PALLD: variants seen among roughly 807,000 people sequenced by gnomAD.
PALLD encodes palladin.
In PALLD, 61 loss-of-function variants were observed where a neutral mutation model predicts 123.5. The observed-to-expected ratio is 0.49, with a 90% CI of 0.40 to 0.61. PALLD has a LOEUF of 0.61. PALLD is among the 20% of genes least tolerant of loss of function. The probability of loss-of-function intolerance (pLI) is 0.00; values close to 1 mark genes in which losing one functional copy is unlikely to be tolerated. For synonymous variants in PALLD, 465 were observed against 496.4 expected (o/e 0.94, Z 0.84); for missense variants, 1,273 against 1,377.0 (o/e 0.92, Z 1.20).
chr4:168,889,014 C>G (rs1301071026), intron 10 of PALLD, among the ~76,000 whole-genome samples: 1 of 152,082 alleles, frequency 6.6e-6, no homozygotes, highest in Non-Finnish European at 1.5e-5. Context: ...GTGGGTGAAA[C>G]CGTGAACCCA....
At chr4:168,669,137 G>A (rs1289674378) in intron 3 of PALLD, among the ~76,000 whole-genome samples, 1 of 152,144 alleles carries the variant, frequency 6.6e-6, no homozygotes, top group Non-Finnish European at 1.5e-5. Flanking sequence ...AATATAGAAA[G>A]AATATTAAAA....
intron 10 of PALLD, among the ~76,000 whole-genome samples, chr4:168,759,205 ATATATATATATATATATATATATATAT>A (rs1732451484): frequency 4.4e-5 from 2 of 45,246 alleles, no homozygotes; most frequent in African/African-American, 1.4e-4. Flanking sequence ...AAAAAAAAAT[ATATATATATATATATATATATATATAT>A]ATATATATAT....
intron 2 of PALLD, among the ~76,000 whole-genome samples, chr4:168,643,672 C>T (rs903886746): frequency 3.3e-5 from 5 of 152,192 alleles, no homozygotes; most frequent in Admixed American, 2.0e-4. Context: ...CTCCAGAGAA[C>T]TCCCATTTAT....
chr4:168,510,385 G>A (rs1460126362), intron 1 of PALLD, among the ~76,000 whole-genome samples: 1 of 151,994 alleles, frequency 6.6e-6, no homozygotes, highest in Non-Finnish European at 1.5e-5. Flanking sequence ...GACTCTCATA[G>A]CCCCCAGGTT....
At chr4:168,673,969 T>C (rs1189599525) in intron 3 of PALLD, among the ~76,000 whole-genome samples, 1 of 151,956 alleles carries the variant, frequency 6.6e-6, no homozygotes, top group African/African-American at 2.4e-5. Flanking sequence ...GGCTGGAGTG[T>C]AATGCCGCGA....
intron 10 of PALLD, among the ~76,000 whole-genome samples, chr4:168,849,754 C>CAAA (rs36098159): frequency 6.9e-6 from 1 of 145,750 alleles, no homozygotes; most frequent in Non-Finnish European, 1.5e-5. Context: ...ATTTTTAAAG[C>CAAA]AAAAAAAAAA....
At chr4:168,522,627 C>T (rs1256465575) in intron 2 of PALLD, among the ~76,000 whole-genome samples, 1 of 152,198 alleles carries the variant, frequency 6.6e-6, no homozygotes, top group Non-Finnish European at 1.5e-5. Flanking sequence ...ACATTGCATT[C>T]TTTTGACGTT....
At chr4:168,721,500 T>G (rs1470060302) in intron 10 of PALLD, among the ~76,000 whole-genome samples, 1 of 152,184 alleles carries the variant, frequency 6.6e-6, no homozygotes, top group Non-Finnish European at 1.5e-5. Context: ...ATATTATATA[T>G]TAGAAGAAAA....
chr4:168,837,552 A>G (rs903919777), intron 10 of PALLD, among the ~76,000 whole-genome samples: 4 of 152,360 alleles, frequency 2.6e-5, no homozygotes, highest in African/African-American at 7.2e-5. Flanking sequence ...ATCATAGAAT[A>G]TATACCGTTC....
In PALLD at chr4:168,707,255, A is replaced by G. The variant is rs532039835; in HGVS notation, c.1502-1773A>G. Among the ~76,000 whole-genome samples, 41 of 152,326 alleles carry G rather than the reference A, an allele frequency of 2.7e-4. No homozygotes were observed. In the South Asian group the frequency reaches 8.5e-3, roughly 32 times the overall value. ...TGAGTTAGCTACTGCAATACAGTAG[A>G]GCACCCCAAAATTTAGTTGCTTAAA... On this transcript the variant is annotated intron_variant, in intron 8 of 21. Coordinates refer to ENST00000505667, the MANE Select transcript of PALLD (RefSeq NM_001166108.2).
chr4:168,613,922 C>T (rs1224355615), intron 2 of PALLD, among the ~76,000 whole-genome samples: 2 of 152,204 alleles, frequency 1.3e-5, no homozygotes, highest in Admixed American at 6.5e-5. Context: ...AAATCTGAGT[C>T]GTAGAGCTCC....
At chr4:168,913,590 T>C (rs1237664251) in intron 15 of PALLD, among the ~76,000 whole-genome samples, 1 of 152,112 alleles carries the variant, frequency 6.6e-6, no homozygotes, top group Non-Finnish European at 1.5e-5. Flanking sequence ...TCCTGCTATA[T>C]TTTACAATTC....
intron 2 of PALLD, among the ~76,000 whole-genome samples, chr4:168,666,824 C>T (rs1466481467): frequency 2.0e-5 from 3 of 152,092 alleles, no homozygotes; most frequent in Non-Finnish European, 2.9e-5. Flanking sequence ...AGGATCTGGA[C>T]TGTGGCTTTG....
At chr4:168,681,635 C>T (rs1781563205) in intron 4 of PALLD, among the ~76,000 whole-genome samples, 1 of 148,570 alleles carries the variant, frequency 6.7e-6, no homozygotes, top group Non-Finnish European at 1.5e-5. Flanking sequence ...GCCTTGACCT[C>T]CCAGGCTCAA....
chr4:168,887,585 A>G (rs1036698755), intron 10 of PALLD, among the ~76,000 whole-genome samples: 2 of 152,214 alleles, frequency 1.3e-5, no homozygotes, highest in Admixed American at 6.5e-5. Context: ...ACAGGCTTAG[A>G]GTAATAATGG....
intron 10 of PALLD, among the ~76,000 whole-genome samples, chr4:168,854,737 A>G (rs1395540233): frequency 6.6e-6 from 1 of 152,194 alleles, no homozygotes; most frequent in Non-Finnish European, 1.5e-5. Flanking sequence ...GAGTGCTATT[A>G]AAAAAGGACG....
At chr4:168,807,506 T>C (rs1214163552) in intron 10 of PALLD, among the ~76,000 whole-genome samples, 9 of 152,012 alleles carry the variant, frequency 5.9e-5, no homozygotes, top group East Asian at 3.9e-4. Flanking sequence ...GCCTCGTGGG[T>C]TCGTGCGATT....
At chr4:168,810,834 A>AAAAAAAAG (rs1561549714) in intron 10 of PALLD, among the ~76,000 whole-genome samples, 1 of 145,686 alleles carries the variant, frequency 6.9e-6, no homozygotes, top group African/African-American at 2.5e-5. Flanking sequence ...AAAGAAAAAA[A>AAAAAAAAG]AAGAAGAAGA....
chr4:168,743,255 T>G (rs1788538571), intron 10 of PALLD, among the ~76,000 whole-genome samples: 1 of 152,230 alleles, frequency 6.6e-6, no homozygotes, highest in African/African-American at 2.4e-5. Context: ...TTGAATTCAT[T>G]GTCACACTGA....
Sources: allele counts gnomAD v4.1 joint callset (sites outside exome capture counted in the v4.1 genomes callset), GRCh38; gene constraint gnomAD v4.1.1; transcripts MANE v1.5; gene names NCBI Gene and HGNC (gene_info 2026-07-23, HGNC 2026-07-21).